CCDC171: variants seen among roughly 807,000 people sequenced by gnomAD.
CCDC171 encodes the protein coiled-coil domain containing 171.
In CCDC171, 177 loss-of-function variants were observed where a neutral mutation model predicts 168.2. That is an observed-to-expected ratio of 1.05 (90% CI 0.93 to 1.19). The LOEUF (loss-of-function observed/expected upper bound fraction) is 1.19, where lower values mean the gene tolerates loss of function less well. Ranked by LOEUF, CCDC171 falls within the 50% of genes most tolerant of loss-of-function variation. The probability of loss-of-function intolerance (pLI) is 0.00; values close to 1 mark genes in which losing one functional copy is unlikely to be tolerated. For missense variants in CCDC171, 1,991 were observed against 1,539.0 expected, an observed-to-expected ratio of 1.29 and a Z score of -4.91; for synonymous variants, 687 against 540.8, an observed-to-expected ratio of 1.27 and a Z score of -3.75.
At chr9:15,890,756 C>G (rs1820111951) in intron 24 of CCDC171, among the ~76,000 whole-genome samples, 1 of 152,008 alleles carries the variant, frequency 6.6e-6, no homozygotes, top group South Asian at 2.1e-4. Context: ...CCTCAATAAA[C>G]CTGTTTTAAA....
chr9:15,776,180 T>C (rs779744408), intron 18 of CCDC171: 1 of 152,140 alleles, frequency 6.6e-6, no homozygotes, highest in South Asian at 2.1e-4. Flanking sequence ...ATTATTATTA[T>C]AAAAACATGG....
Position 15,724,880 on chromosome 9 carries a change from A to C in CCDC171, c.1596A>C (p.Gln532His). Residue 532 changes from glutamine (Q) to histidine (H), a missense_variant, in exon 14 of 26, where the codon CAA becomes CAC. Coordinates refer to ENST00000380701, the MANE Select transcript of CCDC171 (RefSeq NM_173550.4). Reference sequence around the variant, plus strand: ...TAAGCACTTTAAAAGTGGAACTACAAAATGTGCTGCACTGTTGGGAGAAAG... The same window carrying C: ...TAAGCACTTTAAAAGTGGAACTACACAATGTGCTGCACTGTTGGGAGAAAG... ...ALISTLKVEL[Q>H]NVLHCWEKEK... 1 of 1,613,862 alleles carries C rather than the reference A, an allele frequency of 6.2e-7. No individual in the cohort carries two copies. The highest frequency in any genetic ancestry group is 8.5e-7 in the Non-Finnish European group (1 of 1,179,796).
chr9:16,107,037 T>C, the CCDC171 span, among the ~76,000 whole-genome samples: 8 of 152,340 alleles, frequency 5.3e-5, no homozygotes, highest in South Asian at 4.1e-4. Context: ...TTCAGACTTA[T>C]AGAAAAGTTG....
At chr9:16,028,919 G>A (rs1833321652) in intron 6 of CCDC171, among the ~76,000 whole-genome samples, 1 of 152,072 alleles carries the variant, frequency 6.6e-6, no homozygotes, top group Non-Finnish European at 1.5e-5. Context: ...TTTTCATGGA[G>A]TCAGACCTGT....
intron 14 of CCDC171, 32 bp from the exon 15 acceptor site, chr9:15,727,837 A>G: frequency 6.4e-7 from 1 of 1,568,726 alleles, no homozygotes; most frequent in Non-Finnish European, 8.7e-7. Flanking sequence ...GTTTATATAC[A>G]GCAATTAATT....
At chr9:15,624,421 A>C (rs2044856368) in intron 7 of CCDC171, among the ~76,000 whole-genome samples, 2 of 152,074 alleles carry the variant, frequency 1.3e-5, no homozygotes, top group South Asian at 2.1e-4. Flanking sequence ...CCATTAACTC[A>C]TCATTTACAT....
chr9:15,954,813 A>G (rs1344560327), intron 25 of CCDC171, among the ~76,000 whole-genome samples: 2 of 151,458 alleles, frequency 1.3e-5, no homozygotes, highest in East Asian at 1.9e-4. Flanking sequence ...TGATATTTCC[A>G]TTTTGTTCAG....
At chr9:15,827,594 T>TA (rs2060066582) in intron 21 of CCDC171, among the ~76,000 whole-genome samples, 1 of 152,204 alleles carries the variant, frequency 6.6e-6, no homozygotes, top group South Asian at 2.1e-4. Context: ...AAGTGTTTCA[T>TA]ATACACCTAG....
intron 11 of CCDC171, among the ~76,000 whole-genome samples, chr9:15,713,464 T>A (rs145961777): frequency 3.3e-4 from 50 of 152,304 alleles, no homozygotes; most frequent in African/African-American, 1.2e-3. Flanking sequence ...CCTTCGGGAC[T>A]TTTATGCCAC....
chr9:15,971,962 T>G lies in CCDC171; in HGVS notation c.*126T>G. ...CAGTGGATTTAAAAAATTTGTGCGC[T>G]ATCTTGATGTATTCTGGTAGCTCTG... is the stretch of plus-strand genomic sequence containing the variant. On this transcript the variant is annotated 3_prime_UTR_variant, in exon 26 of 26. Coordinates refer to ENST00000380701, the MANE Select transcript of CCDC171 (RefSeq NM_173550.4). The G allele has an allele frequency of 5.5e-5, 39 of 713,930 alleles. No individual in the cohort carries two copies. Among genetic ancestry groups the G allele is most frequent in the Middle Eastern group, 2.5e-4 (1 of 3,972 alleles). The allele number at this position is 713,930 out of a possible 1,614,324, so 44.2% of individuals were successfully genotyped here.
intron 6 of CCDC171, among the ~76,000 whole-genome samples, chr9:16,024,377 C>G (rs1833234685): frequency 6.6e-6 from 1 of 152,170 alleles, no homozygotes; most frequent in African/African-American, 2.4e-5. Flanking sequence ...GGAGATTACT[C>G]TAATTTAGAA....
intron 7 of CCDC171, among the ~76,000 whole-genome samples, chr9:15,624,524 C>T (rs1477293424): frequency 3.9e-5 from 6 of 152,060 alleles, no homozygotes; most frequent in Non-Finnish European, 7.4e-5. Flanking sequence ...CAAGTGTTCT[C>T]ATTGTTCAAT....
intron 10 of CCDC171, among the ~76,000 whole-genome samples, chr9:15,690,610 A>C (rs1270472958): frequency 1.3e-5 from 2 of 152,176 alleles, no homozygotes; most frequent in African/African-American, 4.8e-5. Context: ...TAAAAGGAAA[A>C]TATGACATAA....
chr9:15,824,852 T>G (rs1398508730), intron 21 of CCDC171, among the ~76,000 whole-genome samples: 1 of 152,104 alleles, frequency 6.6e-6, no homozygotes, highest in Non-Finnish European at 1.5e-5. Context: ...CCAACGTGGT[T>G]CATGGTACTA....
At chr9:16,070,942 A>T in the CCDC171 span, among the ~76,000 whole-genome samples, 1 of 152,100 alleles carries the variant, frequency 6.6e-6, no homozygotes, top group South Asian at 2.1e-4. Context: ...GCCTGACTAG[A>T]GTGACTGGTT....
intron 6 of CCDC171, among the ~76,000 whole-genome samples, chr9:16,030,731 C>T (rs1023120534): frequency 5.3e-5 from 8 of 152,128 alleles, no homozygotes; most frequent in African/African-American, 1.2e-4. Context: ...TTTCCCTTCC[C>T]GCGCTGTAGG....
intron 4 of CCDC171, among the ~76,000 whole-genome samples, 158 bp from the exon 5 acceptor site, chr9:15,591,208 G>A (rs920064819): frequency 9.2e-5 from 14 of 152,014 alleles, no homozygotes; most frequent in Non-Finnish European, 1.3e-4. Flanking sequence ...AGAATTTACC[G>A]GAATGGAAAG....
chr9:15,802,909 C>T (rs1310702409), intron 21 of CCDC171, among the ~76,000 whole-genome samples: 1 of 152,092 alleles, frequency 6.6e-6, no homozygotes, highest in African/African-American at 2.4e-5. Flanking sequence ...AACAACCTTG[C>T]CAGCATCTGT....
chr9:15,633,237 C>G (rs1455388823), intron 7 of CCDC171, among the ~76,000 whole-genome samples: 2 of 152,114 alleles, frequency 1.3e-5, no homozygotes, highest in Non-Finnish European at 2.9e-5. Flanking sequence ...GAACAGGCAA[C>G]CTACACAATG....
Sources: allele counts gnomAD v4.1 joint callset (sites outside exome capture counted in the v4.1 genomes callset), GRCh38; gene constraint gnomAD v4.1.1; transcripts MANE v1.5; gene names NCBI Gene and HGNC (gene_info 2026-07-23, HGNC 2026-07-21).